Variants in NTN4 observed in about 807,000 individuals in gnomAD.
NTN4 encodes the protein netrin-4.
NTN4 carries 32 observed loss-of-function variants against 73.6 expected under a neutral mutation model. The ratio of observed to expected loss-of-function variants is 0.44; its 90% CI spans 0.33 to 0.58. The LOEUF (loss-of-function observed/expected upper bound fraction) is 0.58, where lower values mean the gene tolerates loss of function less well. Among genes scored for constraint, NTN4 ranks in the 20% least tolerant of loss-of-function variants. The probability of loss-of-function intolerance (pLI) is 0.04; values close to 1 mark genes in which losing one functional copy is unlikely to be tolerated. For synonymous variants in NTN4, 258 were observed against 287.5 expected, an observed-to-expected ratio of 0.90 and a Z score of 1.04; for missense variants, 654 against 798.3, an observed-to-expected ratio of 0.82 and a Z score of 2.18.
chr12:95,790,928 C>CGGTG (rs1555222864), upstream of NTN4, among the ~76,000 whole-genome samples: 8 of 117,136 alleles, frequency 6.8e-5, no homozygotes, highest in South Asian at 2.3e-3. This position sits in a 1 kb window ranked among gnomAD's most constrained non-coding sequence, Gnocchi z 6.5. Flanking sequence ...CGCTGCCGCC[C>CGGTG]GGGGGGGGGG....
At position 95,773,476 on chromosome 12, in the gene NTN4, C is replaced by T. The variant is rs537328961; in HGVS notation, c.585+13463G>A. On this transcript the variant is annotated intron_variant, in intron 2 of 9. Coordinates refer to ENST00000343702, the MANE Select transcript of NTN4 (RefSeq NM_021229.4). ...TCCTGGGCACCTCTTTTTGAGGGCC[C>T]GCATGCCCACACCTGCCCATCACTC... Among the ~76,000 whole-genome samples, 17 of 152,190 alleles carry T rather than the reference C, an allele frequency of 1.1e-4. No individual in the cohort carries two copies. The South Asian group carries it at 2.5e-3, about 22-fold the overall frequency.
chr12:95,785,474 G>A (rs2121304870), intron 2 of NTN4, among the ~76,000 whole-genome samples: 1 of 152,348 alleles, frequency 6.6e-6, no homozygotes, highest in Non-Finnish European at 1.5e-5. Context: ...GGACCATGAA[G>A]AATGGAAAAC....
At chr12:95,660,124 G>A (rs771550011) in intron 9 of NTN4, among the ~76,000 whole-genome samples, 15 of 151,916 alleles carry the variant, frequency 9.9e-5, no homozygotes, top group African/African-American at 2.4e-4. Context: ...AGCAATTCTT[G>A]TGCCTCGGCT....
At chr12:95,669,519 T>C (rs2078210484) in intron 8 of NTN4, among the ~76,000 whole-genome samples, 2 of 152,140 alleles carry the variant, frequency 1.3e-5, no homozygotes, top group Admixed American at 1.3e-4. Context: ...GCTGCATGCT[T>C]TTCAAACATC....
At chr12:95,682,263 A>T (rs1374933424) in intron 7 of NTN4, among the ~76,000 whole-genome samples, 2 of 151,716 alleles carry the variant, frequency 1.3e-5, no homozygotes, top group Admixed American at 6.6e-5. Context: ...TATGTTTCCC[A>T]GGCTGGTCTT....
chr12:95,696,151 T>A (rs2078440117), intron 5 of NTN4, among the ~76,000 whole-genome samples: 1 of 152,174 alleles, frequency 6.6e-6, no homozygotes, highest in African/African-American at 2.4e-5. Flanking sequence ...CCTAACTGTG[T>A]CTATCTTCGA....
chr12:95,765,564 T>C (rs1267211832), intron 2 of NTN4, among the ~76,000 whole-genome samples: 1 of 152,206 alleles, frequency 6.6e-6, no homozygotes, highest in African/African-American at 2.4e-5. Context: ...GATGTATTTG[T>C]ACGTTAGTTG....
chr12:95,693,680 G>A (rs1030135466), intron 5 of NTN4, among the ~76,000 whole-genome samples: 1 of 147,996 alleles, frequency 6.8e-6, no homozygotes, highest in African/African-American at 2.5e-5. Context: ...GCAGTGAGCC[G>A]AGATCACGCC....
chr12:95,739,619 TAGAC>T (rs1215570920), intron 2 of NTN4, among the ~76,000 whole-genome samples: 6 of 152,228 alleles, frequency 3.9e-5, no homozygotes, highest in Non-Finnish European at 7.3e-5. Context: ...ACATTTCTGT[TAGAC>T]AGGAAGAACC....
chr12:95,790,371 G>A lies in NTN4; in HGVS notation c.-62C>T, dbSNP rs919342494. 2.2e-5 allele frequency: 30 copies of A among 1,380,096 alleles called. No individual in the cohort carries two copies. The highest frequency in any genetic ancestry group is 2.5e-5 in the Admixed American group (1 of 39,986). The allele number at this position is 1,380,096 out of a possible 1,614,324, so 85.5% of individuals were successfully genotyped here. ...TGCCGGAGGGAGCCGAGACCTCTGG[G>A]CTGCGGGATGAAGCGCCGCCGTCCT... On this transcript the variant is annotated 5_prime_UTR_variant, in exon 1 of 10. Transcript: ENST00000343702. The surrounding 1 kb of genome is among the most constrained non-coding windows in gnomAD (Gnocchi z 6.5).
chr12:95,739,492 ATCTTTT>A (rs1381294602), intron 2 of NTN4, among the ~76,000 whole-genome samples: 1 of 152,204 alleles, frequency 6.6e-6, no homozygotes, highest in Non-Finnish European at 1.5e-5. Context: ...CAGAAGTAAC[ATCTTTT>A]TCTTTTAACA....
rs902842258 is a variant in NTN4, at chr12:95,729,452, T to C, written c.864+8414A>G. ...TTTTATATCCCTATATGTGTACTAA[T>C]TTACTATTTTATTCCATTAAAATAT... On this transcript the variant is annotated intron_variant, in intron 3 of 9. Transcript: ENST00000343702. Among the ~76,000 whole-genome samples, 7 of 152,282 alleles carry C rather than the reference T, an allele frequency of 4.6e-5. 1 individual carries two copies. The highest frequency in any genetic ancestry group is 8.8e-5 in the Non-Finnish European group (6 of 68,008).
chr12:95,747,853 T>C (rs1261545122), intron 2 of NTN4, among the ~76,000 whole-genome samples: 1 of 152,128 alleles, frequency 6.6e-6, no homozygotes, highest in African/African-American at 2.4e-5. Flanking sequence ...CACAATAAAC[T>C]TTATCACTTA....
At chr12:95,663,741 A>C (rs2078156594) in intron 9 of NTN4, 1 of 152,206 alleles carries the variant, frequency 6.6e-6, no homozygotes, top group Non-Finnish European at 1.5e-5. Context: ...GAATTCTTTA[A>C]ATAATTGCGC....
At chr12:95,748,476 C>CTTTTTTTTTTTTTTT (rs762351453) in intron 2 of NTN4, among the ~76,000 whole-genome samples, 1 of 105,948 alleles carries the variant, frequency 9.4e-6, no homozygotes, top group African/African-American at 3.5e-5. Context: ...ATTTTCTTTT[C>CTTTTTTTTTTTTTTT]TTTTTTTTTT....
rs397969115 is a variant in NTN4, at chr12:95,761,326, C to CTTTTTTTTTT, written c.586-23192_586-23183dup. Among the ~76,000 whole-genome samples the CTTTTTTTTTT allele has an allele frequency of 1.1e-4, 14 of 133,170 alleles. 1 individual carries two copies. Among genetic ancestry groups the CTTTTTTTTTT allele is most frequent in the Admixed American group, 2.6e-4 (3 of 11,344 alleles). 87.4% of individuals were successfully genotyped at this position (133,170 alleles called of 152,430 possible). A position where few individuals can be genotyped will look rare whatever the true frequency, so the allele number is the denominator to read the frequency against. ...CCCGAGGCAGGACAAAAGAGATATT[C>CTTTTTTTTTT]TTTTTTTTTTTTTTCCCCAAGACGG... On this transcript the variant is annotated intron_variant, in intron 2 of 9. Coordinates refer to ENST00000343702, the MANE Select transcript of NTN4 (RefSeq NM_021229.4).
rs558182160 is a variant in NTN4, at chr12:95,770,776, C to T, written c.585+16163G>A. ...AATGAACATGACGTCATGTAGAAAG[C>T]ACGTGAATATTTTTCAAAATTATTT... On this transcript the variant is annotated intron_variant, in intron 2 of 9. Transcript: ENST00000343702. Among the ~76,000 whole-genome samples the T allele has an allele frequency of 4.0e-5, 6 of 150,224 alleles. No homozygotes were observed. In the East Asian group the frequency reaches 1.2e-3, roughly 29 times the overall value.
chr12:95,693,030 A>G (rs576798094), intron 5 of NTN4, among the ~76,000 whole-genome samples: 43 of 152,184 alleles, frequency 2.8e-4, no homozygotes, highest in Non-Finnish European at 4.0e-4. Flanking sequence ...TATTATCTAG[A>G]TGAAACGTAT....
intron 3 of NTN4, among the ~76,000 whole-genome samples, chr12:95,720,308 A>C (rs2078637849): frequency 6.6e-6 from 1 of 152,214 alleles, no homozygotes; most frequent in African/African-American, 2.4e-5. Flanking sequence ...AACTGTGCCT[A>C]CTTCACTAAT....
Sources: gnomAD v4.1 joint callset for allele counts (sites outside exome capture counted in the v4.1 genomes callset) on GRCh38, gnomAD v4.1.1 for gene constraint, Gnocchi (gnomAD v3.1) non-coding constraint, MANE v1.5 for transcripts, NCBI Gene and HGNC (gene_info 2026-07-23, HGNC 2026-07-21) for gene names.